ENTPD1: variants seen among roughly 807,000 people sequenced by gnomAD.
The protein encoded by ENTPD1 is ATP diphosphohydrolase.
Under a neutral mutation model 57.0 loss-of-function variants are expected in ENTPD1, and 33 were observed. The observed-to-expected ratio is 0.58, with a 90% CI of 0.44 to 0.77. ENTPD1 has a LOEUF of 0.77. Ranked by LOEUF, ENTPD1 falls within the 30% of genes least tolerant of loss-of-function variation. The probability of loss-of-function intolerance (pLI) is 0.00; values close to 1 mark genes in which losing one functional copy is unlikely to be tolerated. For synonymous variants in ENTPD1, 202 were observed against 218.8 expected (o/e 0.92, Z 0.68); for missense variants, 501 against 603.4 (o/e 0.83, Z 1.78).
intron 1 of ENTPD1, among the ~76,000 whole-genome samples, chr10:95,796,971 G>C (rs1428906246): frequency 6.6e-6 from 1 of 152,084 alleles, no homozygotes; most frequent in Non-Finnish European, 1.5e-5. Context: ...TACTCAGGAG[G>C]CTGAGACAGG....
the ENTPD1 span, among the ~76,000 whole-genome samples, chr10:95,706,408 C>T: frequency 2.0e-5 from 3 of 152,308 alleles, no homozygotes; most frequent in South Asian, 2.1e-4. Flanking sequence ...AGGAGACCCT[C>T]AGTGGGTGGC....
chr10:95,842,282 T>C, intron 3 of ENTPD1, 62 bp from the exon 4 acceptor site: 2 of 1,449,532 alleles, frequency 1.4e-6, no homozygotes, highest in East Asian at 4.6e-5. Context: ...TGATCTACTA[T>C]TGTCAAGGTA....
At chr10:95,752,106 C>T (rs1326882676), upstream of ENTPD1, among the ~76,000 whole-genome samples, 1 of 152,112 alleles carries the variant, frequency 6.6e-6, no homozygotes, top group East Asian at 1.9e-4. Context: ...AACAATGGCC[C>T]ATGCTACATA....
chr10:95,840,679 A>G (rs957641633), intron 3 of ENTPD1, among the ~76,000 whole-genome samples: 2 of 152,196 alleles, frequency 1.3e-5, no homozygotes, highest in African/African-American at 4.8e-5. Context: ...GCTGCATTAT[A>G]TATCAATAAT....
chr10:95,730,032 C>G (rs2097987603), intron 1 of ENTPD1, among the ~76,000 whole-genome samples: 1 of 151,980 alleles, frequency 6.6e-6, no homozygotes, highest in African/African-American at 2.4e-5. Context: ...GCTATTCTTC[C>G]CAGTATTTCT....
chr10:95,837,476 G>A (rs1427333425), intron 2 of ENTPD1, among the ~76,000 whole-genome samples: 1 of 152,190 alleles, frequency 6.6e-6, no homozygotes, highest in East Asian at 1.9e-4. Flanking sequence ...TCCTTTCACT[G>A]CAAGCCTAGC....
chr10:95,778,102 A>G (rs919233553), intron 1 of ENTPD1, among the ~76,000 whole-genome samples: 7 of 152,146 alleles, frequency 4.6e-5, no homozygotes, highest in African/African-American at 1.7e-4. Context: ...TGCGCTTTCC[A>G]GGTGAGGTGA....
At chr10:95,773,254 C>T (rs1177246467) in intron 1 of ENTPD1, among the ~76,000 whole-genome samples, 1 of 152,178 alleles carries the variant, frequency 6.6e-6, no homozygotes, top group Non-Finnish European at 1.5e-5. Flanking sequence ...CAGTATGAGG[C>T]TTGGAGGAGA....
chr10:95,807,309 G>A (rs545502495), intron 1 of ENTPD1, among the ~76,000 whole-genome samples: 10 of 152,326 alleles, frequency 6.6e-5, no homozygotes, highest in Admixed American at 2.6e-4. Flanking sequence ...TGTGTGACCC[G>A]CCAAGCCAGG....
rs190048872 is a variant in ENTPD1, at chr10:95,801,852, C to G, written c.17-21385C>G. 2.5e-3 allele frequency among the ~76,000 whole-genome samples: 387 copies of G among 152,258 alleles called. 2 individuals are homozygous for G. Among genetic ancestry groups the G allele is most frequent in the Non-Finnish European group, 3.9e-3 (268 of 68,016 alleles). The stretch of plus-strand genomic sequence containing the variant: ...CATATGAATTTTAAAATAGTTTGTT[C>G]TAGTTCTGTGAAGAATCTCAATGGT... On this transcript the variant is annotated intron_variant, in intron 1 of 9. Coordinates refer to ENST00000371205, the MANE Select transcript of ENTPD1 (RefSeq NM_001776.6).
chr10:95,802,113 G>T (rs1459823507), intron 1 of ENTPD1, among the ~76,000 whole-genome samples: 1 of 152,174 alleles, frequency 6.6e-6, no homozygotes, highest in Non-Finnish European at 1.5e-5. Context: ...ATATATTTTA[G>T]AGAGGCATGA....
intron 1 of ENTPD1, among the ~76,000 whole-genome samples, chr10:95,734,510 G>C (rs1466169008): frequency 1.3e-5 from 2 of 152,190 alleles, no homozygotes; most frequent in African/African-American, 4.8e-5. Context: ...TGGAAACCTT[G>C]CAGGCTCTTC....
rs1307366026 is a variant in ENTPD1, at chr10:95,786,694, C to T, written c.16+30439C>T. 3.9e-5 allele frequency among the ~76,000 whole-genome samples: 6 copies of T among 152,228 alleles called. No individual in the cohort carries two copies. In the East Asian group the frequency reaches 9.6e-4, roughly 24 times the overall value. ...CTTAAAATGACAGAAACCACCTTATCCAACCTAGACTTTTCTGCCATGGGA... is the reference window on the plus strand; with the variant it reads ...CTTAAAATGACAGAAACCACCTTATTCAACCTAGACTTTTCTGCCATGGGA... On this transcript the variant is annotated intron_variant, in intron 1 of 9. Coordinates refer to ENST00000371205, the MANE Select transcript of ENTPD1 (RefSeq NM_001776.6).
At chr10:95,744,030 A>ATATT (rs2098003356) in intron 1 of ENTPD1, among the ~76,000 whole-genome samples, 1 of 139,950 alleles carries the variant, frequency 7.1e-6, no homozygotes, top group Non-Finnish European at 1.5e-5. Flanking sequence ...ATATATATAT[A>ATATT]TATATGCACA....
In ENTPD1 at chr10:95,870,660, T is replaced by A. The variant is rs2098479386; in HGVS notation, c.*4277T>A. 1 of 985,358 alleles carries A rather than the reference T, an allele frequency of 1.0e-6. No homozygotes were observed. The allele number at this position is 985,358 out of a possible 1,614,324, so 61.0% of individuals were successfully genotyped here. ...CTATGAAAATATATTCCCTTTATTGTCAGTTTAAAAGATGAACTGAGTTTC... is the reference window on the plus strand; with the variant it reads ...CTATGAAAATATATTCCCTTTATTGACAGTTTAAAAGATGAACTGAGTTTC... On this transcript the variant is annotated 3_prime_UTR_variant, in exon 10 of 10. Transcript: ENST00000371205.
chr10:95,874,261 G>A lies in ENTPD1; in HGVS notation c.*7878G>A, dbSNP rs924632367. On this transcript the variant is annotated 3_prime_UTR_variant, in exon 10 of 10. Coordinates refer to ENST00000371205, the MANE Select transcript of ENTPD1 (RefSeq NM_001776.6). ...AGATACAATGGGGGGTACAGGTATT[G>A]GGTAAATACAGCTGTTCCAAATGAG... Among the ~76,000 whole-genome samples the A allele has an allele frequency of 1.3e-5, 2 of 152,182 alleles. No homozygotes were observed. The highest frequency in any genetic ancestry group is 4.8e-5 in the African/African-American group (2 of 41,446).
At chr10:95,756,861 G>A (rs2098028238) in intron 1 of ENTPD1, 1 of 152,742 alleles carries the variant, frequency 6.5e-6, no homozygotes, top group Non-Finnish European at 1.5e-5. Context: ...GGGACGGGTA[G>A]AGGGAGGAAA....
chr10:95,726,735 T>G (rs1456030545), intron 1 of ENTPD1, among the ~76,000 whole-genome samples: 1 of 152,212 alleles, frequency 6.6e-6, no homozygotes, highest in Admixed American at 6.5e-5. Context: ...AGTTTGATGA[T>G]TGATGTGTTT....
intron 1 of ENTPD1, among the ~76,000 whole-genome samples, chr10:95,821,545 A>T (rs577859821): frequency 6.6e-6 from 1 of 152,198 alleles, no homozygotes; most frequent in Admixed American, 6.5e-5. Flanking sequence ...AATTACACAG[A>T]CAAGTCCATC....
Sources: gnomAD v4.1 joint callset for allele counts (sites outside exome capture counted in the v4.1 genomes callset) on GRCh38, gnomAD v4.1.1 for gene constraint, MANE v1.5 for transcripts, NCBI Gene and HGNC (gene_info 2026-07-23, HGNC 2026-07-21) for gene names.